The following KCNIP4 variants were observed in gnomAD, a reference collection of about 807,000 sequenced individuals.
The protein encoded by KCNIP4 is potassium voltage-gated channel interacting protein 4.
In KCNIP4, 12 loss-of-function variants were observed where a neutral mutation model predicts 34.0. The ratio of observed to expected loss-of-function variants is 0.35; its 90% CI spans 0.23 to 0.57. KCNIP4 has a LOEUF of 0.57. Among genes scored for constraint, KCNIP4 ranks in the 20% least tolerant of loss-of-function variants. The pLI is 0.83. For synonymous variants in KCNIP4, 124 were observed against 102.2 expected (o/e 1.21, Z -1.29); for missense variants, 238 against 311.7 (o/e 0.76, Z 1.78).
chr4:21,634,741 A>G (rs977165911), intron 1 of KCNIP4, among the ~76,000 whole-genome samples: 1 of 152,194 alleles, frequency 6.6e-6, no homozygotes, highest in Non-Finnish European at 1.5e-5. Flanking sequence ...AGAAAAACCT[A>G]CAGGATCTCA....
intron 1 of KCNIP4, among the ~76,000 whole-genome samples, chr4:21,575,403 C>T (rs1180650993): frequency 6.6e-6 from 1 of 152,122 alleles, no homozygotes; most frequent in African/African-American, 2.4e-5. Context: ...AATGTTTCTG[C>T]CTATTATTTC....
rs373008352 is a variant in KCNIP4, at chr4:21,948,567, C to G, written c.61+4G>C. ...CGCCCGCTCGCAAGCTTATTGCATCCTACCGCCTGTAGAGCTGGCCTCCTC... is the reference window on the plus strand; with the variant it reads ...CGCCCGCTCGCAAGCTTATTGCATCGTACCGCCTGTAGAGCTGGCCTCCTC... On this transcript the variant is annotated splice_donor_region_variant and intron_variant, in intron 1 of 8. Coordinates refer to ENST00000382152, the MANE Select transcript of KCNIP4 (RefSeq NM_025221.6). 2.2e-5 allele frequency: 36 copies of G among 1,612,984 alleles called. No individual in the cohort carries two copies. In the African/African-American group the frequency reaches 3.9e-4, roughly 17 times the overall value.
At chr4:21,620,204 A>G (rs1744907435) in intron 1 of KCNIP4, among the ~76,000 whole-genome samples, 1 of 152,090 alleles carries the variant, frequency 6.6e-6, no homozygotes, top group African/African-American at 2.4e-5. Flanking sequence ...AGAAACCATA[A>G]GTAAAGAAAG....
chr4:20,941,587 C>A (rs1731643870), intron 1 of KCNIP4, among the ~76,000 whole-genome samples: 1 of 152,098 alleles, frequency 6.6e-6, no homozygotes, highest in Admixed American at 6.5e-5. Context: ...GGCTTATGAA[C>A]CTGGTAAATT....
intron 1 of KCNIP4, among the ~76,000 whole-genome samples, chr4:21,678,894 A>C (rs1016718043): frequency 1.3e-5 from 2 of 152,174 alleles, no homozygotes; most frequent in African/African-American, 2.4e-5. Context: ...AGATCTTTAA[A>C]GGAGTGATTC....
At chr4:21,508,050 G>A (rs1167170647) in intron 1 of KCNIP4, among the ~76,000 whole-genome samples, 1 of 152,094 alleles carries the variant, frequency 6.6e-6, no homozygotes, top group Non-Finnish European at 1.5e-5. Context: ...TTCTTTTCCA[G>A]TTACACTCTT....
intron 1 of KCNIP4, among the ~76,000 whole-genome samples, chr4:21,359,236 G>A (rs1718970507): frequency 6.6e-6 from 1 of 151,914 alleles, no homozygotes; most frequent in African/African-American, 2.4e-5. Flanking sequence ...TGCTTGAGCT[G>A]GGAAATTTCT....
chr4:21,865,732 G>A (rs1725374132), intron 1 of KCNIP4, among the ~76,000 whole-genome samples: 2 of 151,600 alleles, frequency 1.3e-5, no homozygotes, highest in South Asian at 4.2e-4. Flanking sequence ...TAGTAGAGAT[G>A]AGGTTTTACC....
At chr4:21,352,820 T>G (rs1718156819) in intron 1 of KCNIP4, among the ~76,000 whole-genome samples, 1 of 152,150 alleles carries the variant, frequency 6.6e-6, no homozygotes, top group Non-Finnish European at 1.5e-5. Flanking sequence ...ACTGCCTCCT[T>G]AAGTGGGTCC....
chr4:20,913,588 T>C (rs1325849866), intron 1 of KCNIP4, among the ~76,000 whole-genome samples: 1 of 152,118 alleles, frequency 6.6e-6, no homozygotes, highest in Non-Finnish European at 1.5e-5. Flanking sequence ...TTAGGTTCTC[T>C]AGGCAAAACT....
At chr4:21,350,525 A>G (rs1026663293) in intron 1 of KCNIP4, among the ~76,000 whole-genome samples, 7 of 152,136 alleles carry the variant, frequency 4.6e-5, no homozygotes, top group African/African-American at 7.2e-5. Flanking sequence ...ATGAATGGTG[A>G]ATGTAATTTA....
intron 1 of KCNIP4, among the ~76,000 whole-genome samples, chr4:21,333,987 C>T (rs910251650): frequency 1.8e-4 from 27 of 152,114 alleles, no homozygotes; most frequent in African/African-American, 6.5e-4. Flanking sequence ...CCTAAGTGTG[C>T]TAAATTGTGA....
At chr4:21,221,046 G>T (rs80257989) in intron 1 of KCNIP4, among the ~76,000 whole-genome samples, 3,378 of 152,164 alleles carry the variant, frequency 0.022, 62 homozygotes, top group Non-Finnish European at 0.037. Flanking sequence ...GCTACAGATT[G>T]GGCTTTTAAA....
intron 1 of KCNIP4, among the ~76,000 whole-genome samples, chr4:21,889,976 T>C (rs1726999271): frequency 6.6e-6 from 1 of 152,120 alleles, no homozygotes; most frequent in Non-Finnish European, 1.5e-5. Flanking sequence ...GAATTTGTTG[T>C]TGGTATCCAC....
chr4:21,540,173 C>T (rs1737562329), intron 1 of KCNIP4, among the ~76,000 whole-genome samples: 1 of 152,100 alleles, frequency 6.6e-6, no homozygotes, highest in African/African-American at 2.4e-5. Context: ...TCTACTAAAC[C>T]ATGTGGCCTC....
At chr4:21,580,090 C>A (rs751822155) in intron 1 of KCNIP4, among the ~76,000 whole-genome samples, 107 of 152,152 alleles carry the variant, frequency 7.0e-4, no homozygotes, top group Middle Eastern at 3.4e-3. Flanking sequence ...TGTCTATATA[C>A]CACTGAATTT....
At chr4:20,897,300 G>T (rs73242550) in intron 1 of KCNIP4, among the ~76,000 whole-genome samples, 1,956 of 150,606 alleles carry the variant, frequency 0.013, 25 homozygotes, top group Middle Eastern at 0.034. Context: ...CCTTGCCACT[G>T]CTGGTCACTG....
chr4:21,937,501 T>C (rs1196993989), intron 1 of KCNIP4, among the ~76,000 whole-genome samples: 3 of 152,074 alleles, frequency 2.0e-5, no homozygotes, highest in African/African-American at 7.2e-5. Flanking sequence ...CTTCATTCTG[T>C]CACTTTTTGT....
chr4:21,516,548 T>C (rs1013979562), intron 1 of KCNIP4, among the ~76,000 whole-genome samples: 7 of 152,260 alleles, frequency 4.6e-5, no homozygotes, highest in Middle Eastern at 3.4e-3. Flanking sequence ...TAATCAATAT[T>C]TAGGGTACTT....
Sources: gnomAD v4.1 joint callset for allele counts (sites outside exome capture counted in the v4.1 genomes callset) on GRCh38, gnomAD v4.1.1 for gene constraint, MANE v1.5 for transcripts, NCBI Gene and HGNC (gene_info 2026-07-23, HGNC 2026-07-21) for gene names.